CGREF1: variants seen among roughly 807,000 people sequenced by gnomAD.
CGREF1 encodes cell growth regulator with EF-hand domain 1, also known as cell growth regulator with EF hand domain protein 1.
In CGREF1, 16 loss-of-function variants were observed where a neutral mutation model predicts 17.4. The ratio of observed to expected loss-of-function variants is 0.92; its 90% CI spans 0.62 to 1.40. The LOEUF (loss-of-function observed/expected upper bound fraction) is 1.40. Among genes scored for constraint, CGREF1 ranks in the 40% most tolerant of loss-of-function variants. The pLI, the probability that CGREF1 is intolerant of heterozygous loss-of-function variation, is 0.00. For missense variants in CGREF1, 296 were observed against 376.4 expected (o/e 0.79, Z 1.77); for synonymous variants, 142 against 154.6 (o/e 0.92, Z 0.61).
At chr2:27,100,018 T>TCTGA (rs200367542), downstream of CGREF1, 7,075 of 684,102 alleles carry the variant, frequency 0.01, 61 homozygotes, top group Non-Finnish European at 0.013. Context: ...TTCCTGAGGC[T>TCTGA]CTGACTCTTC....
At position 27,104,648 on chromosome 2, in the gene CGREF1, G is replaced by A. The variant is rs552235309; in HGVS notation, c.-11-271C>T. ...AGCTGGGGGCGCATCCCCACCCCACGCCCCATTCCCTTGCTCCCCACTAGG... is the reference window on the plus strand; with the variant it reads ...AGCTGGGGGCGCATCCCCACCCCACACCCCATTCCCTTGCTCCCCACTAGG... On this transcript the variant is annotated intron_variant, in intron 1 of 5. Coordinates refer to ENST00000402394, the MANE Select transcript of CGREF1 (RefSeq NM_006569.6). 1.8e-5 allele frequency: 28 copies of A among 1,550,544 alleles called. No homozygotes were observed. The South Asian group carries it at 1.9e-4, about 11-fold the overall frequency.
At chr2:27,108,001 G>A (rs1252338954) in intron 1 of CGREF1, among the ~76,000 whole-genome samples, 5 of 149,752 alleles carry the variant, frequency 3.3e-5, no homozygotes, top group Admixed American at 2.0e-4. Flanking sequence ...GATTTGAAGA[G>A]GAAACAAACA....
At chr2:27,099,999 G>A, downstream of CGREF1, 2 of 763,132 alleles carry the variant, frequency 2.6e-6, no homozygotes, top group Non-Finnish European at 2.2e-6. Context: ...GAACTGCTCT[G>A]GCTGGGCATT....
chr2:27,102,717 C>G (rs1205250029), intron 2 of CGREF1, 126 bp from the exon 3 acceptor site: 4 of 1,117,692 alleles, frequency 3.6e-6, no homozygotes, highest in Non-Finnish European at 5.0e-6. Context: ...CCCAAAATTC[C>G]AAAAACCCTG....
intron 1 of CGREF1, among the ~76,000 whole-genome samples, chr2:27,111,948 C>T (rs1220558669): frequency 1.3e-5 from 2 of 152,176 alleles, no homozygotes; most frequent in Non-Finnish European, 2.9e-5. Flanking sequence ...GCTCCTCAAG[C>T]GCGGCCAGAG....
chr2:27,110,263 G>A (rs1671313105), intron 1 of CGREF1, among the ~76,000 whole-genome samples: 2 of 152,094 alleles, frequency 1.3e-5, no homozygotes, highest in African/African-American at 4.8e-5. Context: ...TTAGCTGGGT[G>A]TGGTGACATA....
chr2:27,099,869 G>A, downstream of CGREF1: 5 of 1,550,330 alleles, frequency 3.2e-6, no homozygotes, highest in Non-Finnish European at 4.4e-6. Flanking sequence ...CAAGCTGTGG[G>A]GAGGACTCTG....
intron 1 of CGREF1, among the ~76,000 whole-genome samples, chr2:27,105,778 C>T (rs1284244414): frequency 6.6e-6 from 1 of 152,194 alleles, no homozygotes; most frequent in South Asian, 2.1e-4. Flanking sequence ...AACACCTGAC[C>T]TCAGGTGATC....
At chr2:27,117,115 G>A (rs1015384470) in intron 1 of CGREF1, among the ~76,000 whole-genome samples, 9 of 150,638 alleles carry the variant, frequency 6.0e-5, no homozygotes, top group African/African-American at 1.2e-4. Flanking sequence ...GTTTCACCAC[G>A]TTGGACAGGC....
At chr2:27,104,260 T>A in intron 2 of CGREF1, 27 bp downstream of exon 2, 1 of 1,527,276 alleles carries the variant, frequency 6.5e-7, no homozygotes, top group African/African-American at 1.4e-5. Flanking sequence ...CTCCCAGCCC[T>A]TGGCCCTGCC....
chr2:27,104,284 T>C lies in CGREF1; in HGVS notation c.80+3A>G. ...CTTGGCCCTGCCCTCATAACCCTGT[T>C]ACCTTGTGACTCCATCCTTTGGGGC... On this transcript the variant is annotated splice_donor_region_variant and intron_variant, in intron 2 of 5. Coordinates refer to ENST00000402394, the MANE Select transcript of CGREF1 (RefSeq NM_006569.6). 10 of 1,553,662 alleles carry C rather than the reference T, an allele frequency of 6.4e-6. No homozygotes were observed. Among genetic ancestry groups the C allele is most frequent in the Non-Finnish European group, 8.7e-6 (10 of 1,150,200 alleles).
At chr2:27,103,626 G>A (rs1426289091) in intron 2 of CGREF1, among the ~76,000 whole-genome samples, 2 of 148,972 alleles carry the variant, frequency 1.3e-5, no homozygotes, top group East Asian at 2.1e-4. Context: ...TGTCCGCCTC[G>A]GCCTCCCAAA....
chr2:27,115,908 C>A (rs1341377578), intron 1 of CGREF1, among the ~76,000 whole-genome samples: 3 of 152,120 alleles, frequency 2.0e-5, no homozygotes, highest in African/African-American at 7.2e-5. Context: ...CGGTTATAGC[C>A]CACCTCAAAA....
Position 27,102,543 on chromosome 2 carries a change from T to C in CGREF1, c.129A>G (p.Pro43=), listed in dbSNP as rs1319341690. 3 of 1,613,976 alleles carry C rather than the reference T, an allele frequency of 1.9e-6. No homozygotes were observed. Among genetic ancestry groups the C allele is most frequent in the Admixed American group, 3.3e-5 (2 of 60,030 alleles). Residue 43 remains proline (P), a synonymous_variant, in exon 3 of 6, where the codon CCA becomes CCG. Transcript: ENST00000402394. ...CTACTCACCCGAGCTGCTCCTGGCC[T>C]GGCTGGAAGGGGTTGGGCAGGAGCT... The part of the protein sequence containing the change: ...QHQLLPNPFQ[P]GQEQLGLLQS...
intron 1 of CGREF1, chr2:27,104,851 A>G (rs767898247): frequency 7.8e-6 from 11 of 1,402,576 alleles, no homozygotes; most frequent in Non-Finnish European, 9.4e-6. Flanking sequence ...GTTTGTGTTT[A>G]TTAAAAACCC....
intron 1 of CGREF1, among the ~76,000 whole-genome samples, chr2:27,107,135 A>T (rs1304537530): frequency 6.6e-6 from 1 of 152,260 alleles, no homozygotes; most frequent in African/African-American, 2.4e-5. Context: ...CGTTATAAAC[A>T]TACAAAGAAA....
intron 1 of CGREF1, among the ~76,000 whole-genome samples, chr2:27,106,566 A>G (rs2148387285): frequency 6.6e-6 from 1 of 152,308 alleles, no homozygotes; most frequent in East Asian, 1.9e-4. Flanking sequence ...GGGAGAAAAA[A>G]AACTCTCCCT....
At chr2:27,102,612 CCAGCCTTG>C (rs1476056540) in intron 2 of CGREF1, 21 bp from the exon 3 acceptor site, 9 of 1,605,442 alleles carry the variant, frequency 5.6e-6, no homozygotes, top group Middle Eastern at 3.3e-4. Context: ...AAGGGGAGGA[CCAGCCTTG>C]CAGAGAGCCT....
At chr2:27,106,984 A>G (rs570763279) in intron 1 of CGREF1, among the ~76,000 whole-genome samples, 1 of 152,282 alleles carries the variant, frequency 6.6e-6, no homozygotes, top group Non-Finnish European at 1.5e-5. Context: ...AAAGTAGGTA[A>G]TGTATTTTGA....
Sources: gnomAD v4.1 joint callset for allele counts (sites outside exome capture counted in the v4.1 genomes callset) on GRCh38, gnomAD v4.1.1 for gene constraint, MANE v1.5 for transcripts, NCBI Gene and HGNC (gene_info 2026-07-23, HGNC 2026-07-21) for gene names.